The following BNC2 variants were observed in gnomAD, a reference collection of about 807,000 sequenced individuals.
BNC2 encodes zinc finger protein basonuclin-2.
In BNC2, 20 loss-of-function variants were observed where a neutral mutation model predicts 76.3. The observed-to-expected ratio is 0.26, with a 90% CI of 0.18 to 0.38. The LOEUF (loss-of-function observed/expected upper bound fraction) is 0.38, where lower values mean the gene tolerates loss of function less well. Ranked by LOEUF, BNC2 falls within the 10% of genes least tolerant of loss-of-function variation. BNC2 has a pLI of 1.00. For synonymous variants in BNC2, 582 were observed against 514.8 expected (o/e 1.13, Z -1.77); for missense variants, 1,382 against 1,399.8 (o/e 0.99, Z 0.20).
At chr9:16,539,768 AGAAAGGAAAGGAAAGGAAAG>A (rs762781150) in intron 5 of BNC2, among the ~76,000 whole-genome samples, 208 of 58,964 alleles carry the variant, frequency 3.5e-3, no homozygotes, top group East Asian at 8.5e-3. Context: ...GGAAAGGAAA[AGAAAGGAAAGGAAAGGAAAG>A]GAAAGGAAAG....
chr9:16,451,066 T>TAG (rs1409334269), intron 5 of BNC2, among the ~76,000 whole-genome samples: 1 of 152,138 alleles, frequency 6.6e-6, no homozygotes. Context: ...TCATTAACTT[T>TAG]ATCTTTTAAG....
chr9:16,735,936 A>G (rs1204472803), intron 2 of BNC2, among the ~76,000 whole-genome samples: 1 of 152,004 alleles, frequency 6.6e-6, no homozygotes, highest in African/African-American at 2.4e-5. Context: ...CCAACATCCA[A>G]GAAAATCATG....
At chr9:16,555,822 C>G (rs1818813256) in intron 4 of BNC2, among the ~76,000 whole-genome samples, 1 of 142,036 alleles carries the variant, frequency 7.0e-6, no homozygotes, top group Admixed American at 6.7e-5. Flanking sequence ...AGTAGAAAAA[C>G]TGTTATAAAC....
At position 16,413,284 on chromosome 9, in the gene BNC2, C is replaced by T. The variant is rs1185140382; in HGVS notation, c.*5705G>A. Reference sequence around the variant, plus strand: ...GTTTTATGACAACTATAGTATGTTGCTCCAAAAATATATATAGCATTATAA... The same window carrying T: ...GTTTTATGACAACTATAGTATGTTGTTCCAAAAATATATATAGCATTATAA... On this transcript the variant is annotated 3_prime_UTR_variant, in exon 7 of 7. Transcript: ENST00000380672. 2.6e-5 allele frequency: 4 copies of T among 151,112 alleles called. No homozygotes were observed. Among genetic ancestry groups the T allele is most frequent in the Non-Finnish European group, 5.9e-5 (4 of 67,928 alleles). 9.4% of individuals were successfully genotyped at this position (151,112 alleles called of 1,614,324 possible).
At chr9:16,626,842 C>T (rs1191330653) in intron 3 of BNC2, among the ~76,000 whole-genome samples, 1 of 152,138 alleles carries the variant, frequency 6.6e-6, no homozygotes, top group Non-Finnish European at 1.5e-5. Context: ...CTAGCAACTG[C>T]CTGTGACCCA....
chr9:16,769,451 T>C (rs1411286512), intron 1 of BNC2, among the ~76,000 whole-genome samples: 1 of 152,210 alleles, frequency 6.6e-6, no homozygotes, highest in African/African-American at 2.4e-5. Flanking sequence ...AGACTAACAG[T>C]GTCACCTGGT....
chr9:16,436,496 T>C lies in BNC2; in HGVS notation c.1698A>G (p.Val566=). ...SQLVFSGLKT[V]QPVPPFYRSL... ...TTCTATAAAATGGAGGAACTGGTTG[T>C]ACAGTCTTTAGCCCAGAAAATACTA... The change falls in exon 6 of 7, where the codon GTA becomes GTG. Residue 566 remains valine, a synonymous_variant. Transcript: ENST00000380672. The C allele has an allele frequency of 1.2e-6, 2 of 1,614,098 alleles. No individual in the cohort carries two copies. The highest frequency in any genetic ancestry group is 1.7e-6 in the Non-Finnish European group (2 of 1,180,032).
At chr9:16,526,299 A>G (rs1023846838) in intron 5 of BNC2, among the ~76,000 whole-genome samples, 3 of 152,074 alleles carry the variant, frequency 2.0e-5, no homozygotes, top group African/African-American at 7.2e-5. Flanking sequence ...CTAACTCCTT[A>G]CACCCAGTGA....
At chr9:16,847,407 G>GCA (rs1563969586) in intron 1 of BNC2, among the ~76,000 whole-genome samples, 1 of 54,880 alleles carries the variant, frequency 1.8e-5, no homozygotes, top group South Asian at 1.3e-3. Flanking sequence ...GGGGCGGGGG[G>GCA]GGGGGGGCGG....
intron 5 of BNC2, among the ~76,000 whole-genome samples, chr9:16,455,349 A>C (rs889303217): frequency 6.6e-6 from 1 of 152,238 alleles, no homozygotes; most frequent in Admixed American, 6.5e-5. Flanking sequence ...GATACATGAA[A>C]GGAGAGACTA....
At chr9:16,635,786 T>C (rs561190894) in intron 3 of BNC2, among the ~76,000 whole-genome samples, 1 of 152,328 alleles carries the variant, frequency 6.6e-6, no homozygotes, top group African/African-American at 2.4e-5. Flanking sequence ...ATTTGGTGCC[T>C]AGAGGCCATA....
At chr9:16,498,158 CATAT>C (rs747870999) in intron 5 of BNC2, among the ~76,000 whole-genome samples, 36 of 139,202 alleles carry the variant, frequency 2.6e-4, no homozygotes, top group Admixed American at 1.1e-3. Flanking sequence ...TATATTCCAT[CATAT>C]ATATATTCTA....
At position 16,410,844 on chromosome 9, in the gene BNC2, C is replaced by T. The variant is rs1820444236; in HGVS notation, c.*8145G>A. The T allele has an allele frequency of 1.3e-5, 2 of 152,138 alleles. No individual in the cohort carries two copies. Among genetic ancestry groups the T allele is most frequent in the South Asian group, 4.1e-4 (2 of 4,822 alleles). The allele number at this position is 152,138 out of a possible 1,614,324, so 9.4% of individuals were successfully genotyped here. On this transcript the variant is annotated 3_prime_UTR_variant, in exon 7 of 7. Transcript: ENST00000380672. ...TGTACAAAAACATGCAAAAATACTC[C>T]AAATTGGGGACTAGATTTAAAAAAA...
At chr9:16,589,671 G>A (rs902521421) in intron 3 of BNC2, among the ~76,000 whole-genome samples, 1 of 151,800 alleles carries the variant, frequency 6.6e-6, no homozygotes, top group Non-Finnish European at 1.5e-5. Context: ...ACCACACCGG[G>A]CTAATTTTTT....
chr9:16,529,537 C>T (rs1817913563), intron 5 of BNC2, among the ~76,000 whole-genome samples: 1 of 151,996 alleles, frequency 6.6e-6, no homozygotes, highest in African/African-American at 2.4e-5. Flanking sequence ...TAAAAGGAAG[C>T]TTTGATATAT....
At chr9:16,627,356 C>G (rs1172183649) in intron 3 of BNC2, among the ~76,000 whole-genome samples, 1 of 152,180 alleles carries the variant, frequency 6.6e-6, no homozygotes, top group Non-Finnish European at 1.5e-5. Context: ...AATGTCAAAG[C>G]ATATTCCTAT....
At chr9:16,727,707 G>T in intron 3 of BNC2, 90 bp downstream of exon 3, 3 of 1,162,616 alleles carry the variant, frequency 2.6e-6, no homozygotes, top group Non-Finnish European at 2.5e-6. Flanking sequence ...AAAGTATTTA[G>T]AAAGAAAAAC....
At chr9:16,567,681 TA>T (rs1245782697) in intron 4 of BNC2, among the ~76,000 whole-genome samples, 1 of 152,178 alleles carries the variant, frequency 6.6e-6, no homozygotes, top group East Asian at 1.9e-4. Flanking sequence ...AGTGATAGTT[TA>T]TAGTTCTTAG....
At chr9:16,570,662 G>T (rs893144229) in intron 4 of BNC2, among the ~76,000 whole-genome samples, 1 of 152,154 alleles carries the variant, frequency 6.6e-6, no homozygotes, top group Admixed American at 6.6e-5. Flanking sequence ...AACTAAAGCA[G>T]TATCTGCCGA....
Sources: allele counts gnomAD v4.1 joint callset (sites outside exome capture counted in the v4.1 genomes callset), GRCh38; gene constraint gnomAD v4.1.1; transcripts MANE v1.5; gene names NCBI Gene and HGNC (gene_info 2026-07-23, HGNC 2026-07-21).